Variants in ANKS1A observed in about 807,000 individuals in gnomAD.
ANKS1A encodes ankyrin repeat and sterile alpha motif domain containing 1A, also known as ankyrin repeat and SAM domain-containing protein 1A.
ANKS1A carries 55 observed loss-of-function variants against 120.3 expected under a neutral mutation model. That is an observed-to-expected ratio of 0.46 (90% confidence interval 0.37 to 0.57). ANKS1A has a LOEUF of 0.57. Among genes scored for constraint, ANKS1A ranks in the 20% least tolerant of loss-of-function variants. The pLI is 0.00. For synonymous variants in ANKS1A, 590 were observed against 604.7 expected, an observed-to-expected ratio of 0.98 and a Z score of 0.36; for missense variants, 1,123 against 1,480.3, an observed-to-expected ratio of 0.76 and a Z score of 3.96.
intron 1 of ANKS1A, among the ~76,000 whole-genome samples, chr6:34,945,455 G>T (rs1769743280): frequency 6.6e-6 from 1 of 152,182 alleles, no homozygotes; most frequent in East Asian, 1.9e-4. Context: ...GTGATTTCCA[G>T]TTGTTCCAGT....
Position 35,090,371 on chromosome 6 carries a change from C to T in ANKS1A, c.*1762C>T. ...TGGTGCCCGTCTTCCTCCTAAGGGG[C>T]CAGGCCACATCCAAGTGGGCCTCTG... On this transcript the variant is annotated 3_prime_UTR_variant, in exon 24 of 24. Coordinates refer to ENST00000360359, the MANE Select transcript of ANKS1A (RefSeq NM_015245.3). 1 of 1,250,422 alleles carries T rather than the reference C, an allele frequency of 8.0e-7. No homozygotes were observed. The highest frequency in any genetic ancestry group is 1.0e-6 in the Non-Finnish European group (1 of 967,964). The allele number at this position is 1,250,422 out of a possible 1,614,324, so 77.5% of individuals were successfully genotyped here.
intron 1 of ANKS1A, among the ~76,000 whole-genome samples, chr6:34,921,296 G>T (rs1420433736): frequency 6.6e-6 from 1 of 152,082 alleles, no homozygotes; most frequent in Admixed American, 6.5e-5. Context: ...ATTTTCGTTT[G>T]TTTTTTATTT....
chr6:34,900,363 T>C (rs1767286628), intron 1 of ANKS1A, among the ~76,000 whole-genome samples: 1 of 152,214 alleles, frequency 6.6e-6, no homozygotes, highest in Non-Finnish European at 1.5e-5. Flanking sequence ...TATTTAAGTT[T>C]AATAGTTGCT....
chr6:35,012,574 C>T (rs1230573529), intron 10 of ANKS1A, among the ~76,000 whole-genome samples: 1 of 152,224 alleles, frequency 6.6e-6, no homozygotes, highest in Admixed American at 6.5e-5. Flanking sequence ...CAACTCCTCA[C>T]ATGAGCTGCA....
intron 11 of ANKS1A, among the ~76,000 whole-genome samples, chr6:35,051,398 T>C (rs1330410118): frequency 6.6e-6 from 1 of 152,182 alleles, no homozygotes; most frequent in African/African-American, 2.4e-5. Flanking sequence ...ACAGGCCAGC[T>C]GGGGCTTCGG....
chr6:35,072,626 G>A (rs1777138477), intron 13 of ANKS1A, among the ~76,000 whole-genome samples: 1 of 152,210 alleles, frequency 6.6e-6, no homozygotes, highest in South Asian at 2.1e-4. Context: ...CTCCCTTATT[G>A]GAGGCCCTGG....
At chr6:35,035,981 T>A (rs1334962130) in intron 11 of ANKS1A, among the ~76,000 whole-genome samples, 3 of 152,174 alleles carry the variant, frequency 2.0e-5, no homozygotes, top group Admixed American at 1.3e-4. Context: ...AAAACCCCAG[T>A]TGAGGAGGTT....
At chr6:34,903,745 G>C (rs1202462788) in intron 1 of ANKS1A, among the ~76,000 whole-genome samples, 1 of 152,178 alleles carries the variant, frequency 6.6e-6, no homozygotes, top group Non-Finnish European at 1.5e-5. Flanking sequence ...TCGATCTCCT[G>C]ACCTTGTGAG....
chr6:35,085,945 GC>G lies in ANKS1A; in HGVS notation c.3303+13del. 6.3e-7 allele frequency: 1 copy of G among 1,588,494 alleles called. No homozygotes were observed. On this transcript the variant is annotated intron_variant, in intron 22 of 23. Coordinates refer to ENST00000360359, the MANE Select transcript of ANKS1A (RefSeq NM_015245.3). This position sits in a 1 kb window ranked among gnomAD's most constrained non-coding sequence, Gnocchi z 4.7. ...GCGTGAGGAAATCCGCAGTACGTGGGCCCCACTGGCCAAGATCCCCCTCTCC... is the reference window on the plus strand; with the variant it reads ...GCGTGAGGAAATCCGCAGTACGTGGGCCCACTGGCCAAGATCCCCCTCTCC...
At chr6:34,914,325 CTATTT>C (rs1768054243) in intron 1 of ANKS1A, among the ~76,000 whole-genome samples, 1 of 131,190 alleles carries the variant, frequency 7.6e-6, no homozygotes, top group South Asian at 2.5e-4. Context: ...TTACACTGGG[CTATTT>C]TATTTTTAAA....
intron 11 of ANKS1A, 30 bp from the exon 12 acceptor site, chr6:35,054,069 C>T: frequency 6.2e-7 from 1 of 1,603,184 alleles, no homozygotes; most frequent in South Asian, 1.1e-5. Flanking sequence ...GCCTGACTGC[C>T]TCTCCTCTTT....
chr6:34,948,156 T>G (rs949975692), intron 1 of ANKS1A, among the ~76,000 whole-genome samples: 7 of 152,190 alleles, frequency 4.6e-5, no homozygotes, highest in African/African-American at 9.6e-5. Flanking sequence ...TAGGTGTTTT[T>G]TTTTTTTTTA....
chr6:35,025,800 A>AT (rs1328272369), intron 11 of ANKS1A, among the ~76,000 whole-genome samples: 4 of 150,426 alleles, frequency 2.7e-5, no homozygotes, highest in Non-Finnish European at 5.9e-5. Flanking sequence ...TCTTTTTAAC[A>AT]TTTTTTCCAG....
chr6:34,962,371 A>G (rs1770681750), intron 1 of ANKS1A, among the ~76,000 whole-genome samples: 2 of 152,196 alleles, frequency 1.3e-5, no homozygotes, highest in South Asian at 4.1e-4. Context: ...ATTGACAAAA[A>G]CTTTATATAT....
chr6:34,960,447 C>T (rs780872447), intron 1 of ANKS1A, among the ~76,000 whole-genome samples: 1 of 152,072 alleles, frequency 6.6e-6, no homozygotes, highest in Non-Finnish European at 1.5e-5. Context: ...GCGCACTTCA[C>T]GTGTCTGCTG....
At chr6:34,926,694 A>G (rs1013424086) in intron 1 of ANKS1A, among the ~76,000 whole-genome samples, 1 of 152,264 alleles carries the variant, frequency 6.6e-6, no homozygotes, top group East Asian at 1.9e-4. Flanking sequence ...CAGCCTTGTT[A>G]ACACTGGTGC....
At chr6:34,997,217 GAC>G (rs1772902535) in intron 10 of ANKS1A, among the ~76,000 whole-genome samples, 1 of 107,934 alleles carries the variant, frequency 9.3e-6, no homozygotes, top group East Asian at 2.7e-4. Context: ...TTTTTTTTGA[GAC>G]AGAGTCTTGC....
At chr6:35,068,448 C>G (rs563945247) in intron 13 of ANKS1A, among the ~76,000 whole-genome samples, 1 of 152,306 alleles carries the variant, frequency 6.6e-6, no homozygotes, top group South Asian at 2.1e-4. Flanking sequence ...GGCAGCTCCT[C>G]TCCCAGAATA....
At chr6:34,949,318 G>A (rs1162808154) in intron 1 of ANKS1A, among the ~76,000 whole-genome samples, 1 of 152,176 alleles carries the variant, frequency 6.6e-6, no homozygotes, top group African/African-American at 2.4e-5. Flanking sequence ...TAGGGAGGGT[G>A]ATGGAGCCAG....
Sources: gnomAD v4.1 joint callset for allele counts (sites outside exome capture counted in the v4.1 genomes callset) on GRCh38, gnomAD v4.1.1 for gene constraint, Gnocchi (gnomAD v3.1) non-coding constraint, MANE v1.5 for transcripts, NCBI Gene and HGNC (gene_info 2026-07-23, HGNC 2026-07-21) for gene names.